Variants in PRKCE observed in about 807,000 individuals in gnomAD.
PRKCE encodes protein kinase C epsilon, also known as protein kinase C epsilon type.
Under a neutral mutation model 85.4 loss-of-function variants are expected in PRKCE, and 16 were observed. The observed-to-expected ratio is 0.19, with a 90% CI of 0.13 to 0.28. PRKCE has a LOEUF of 0.28. Ranked by LOEUF, PRKCE falls within the 10% of genes least tolerant of loss-of-function variation. The pLI is 1.00. For missense variants in PRKCE, 573 were observed against 975.2 expected (o/e 0.59, Z 5.49); for synonymous variants, 388 against 371.5 (o/e 1.04, Z -0.51).
At chr2:45,828,747 A>G (rs1195740550) in intron 1 of PRKCE, among the ~76,000 whole-genome samples, 1 of 152,188 alleles carries the variant, frequency 6.6e-6, no homozygotes, top group East Asian at 1.9e-4. Context: ...AGTGAACTAC[A>G]TAATGTTCTT....
At chr2:45,666,008 A>T (rs1176595191) in intron 1 of PRKCE, among the ~76,000 whole-genome samples, 3 of 152,056 alleles carry the variant, frequency 2.0e-5, no homozygotes, top group African/African-American at 7.2e-5. Context: ...AGAGTCATGG[A>T]GAAGGCCTCC....
At chr2:46,111,111 C>G (rs72879706) in intron 11 of PRKCE, among the ~76,000 whole-genome samples, 153 of 152,216 alleles carry the variant, frequency 1.0e-3, no homozygotes, top group African/African-American at 3.5e-3. Context: ...TGGATGTGAT[C>G]TATCTTGATG....
At chr2:45,856,392 G>A (rs1272505333) in intron 2 of PRKCE, among the ~76,000 whole-genome samples, 8 of 151,992 alleles carry the variant, frequency 5.3e-5, no homozygotes, top group African/African-American at 9.7e-5. Flanking sequence ...CACCACACCC[G>A]GTTAACTTTT....
chr2:45,792,082 G>T (rs1048243844), intron 1 of PRKCE, among the ~76,000 whole-genome samples: 1 of 152,226 alleles, frequency 6.6e-6, no homozygotes. Context: ...GGTTCTGCAG[G>T]ATGGCAAGCT....
At chr2:45,973,717 C>T (rs1468537893) in intron 2 of PRKCE, among the ~76,000 whole-genome samples, 1 of 152,118 alleles carries the variant, frequency 6.6e-6, no homozygotes, top group Admixed American at 6.5e-5. Context: ...GCCATATTGC[C>T]CTATTGGATT....
intron 1 of PRKCE, among the ~76,000 whole-genome samples, chr2:45,829,440 A>G (rs1327744184): frequency 6.6e-6 from 1 of 152,202 alleles, no homozygotes; most frequent in African/African-American, 2.4e-5. Flanking sequence ...TTAAGACCCC[A>G]TATAAATTAC....
intron 10 of PRKCE, among the ~76,000 whole-genome samples, chr2:46,020,515 C>T (rs1706560555): frequency 6.6e-6 from 1 of 152,082 alleles, no homozygotes; most frequent in Non-Finnish European, 1.5e-5. Flanking sequence ...TGGGCACATT[C>T]CTGAGATTTG....
intron 1 of PRKCE, among the ~76,000 whole-genome samples, chr2:45,746,778 C>T (rs1683172838): frequency 1.3e-5 from 2 of 152,192 alleles, no homozygotes; most frequent in South Asian, 4.1e-4. Context: ...CTTGACACAT[C>T]CCTATCCTGC....
At chr2:46,182,773 G>A (rs150888252) in intron 14 of PRKCE, among the ~76,000 whole-genome samples, 8 of 152,294 alleles carry the variant, frequency 5.3e-5, no homozygotes, top group Non-Finnish European at 7.3e-5. Context: ...CTATCTTCCC[G>A]GACTCACAGC....
intron 11 of PRKCE, among the ~76,000 whole-genome samples, chr2:46,104,049 A>G (rs1671481783): frequency 6.6e-6 from 1 of 152,180 alleles, no homozygotes; most frequent in Non-Finnish European, 1.5e-5. Flanking sequence ...TTCAGTGCCC[A>G]TAGGATTAAA....
intron 1 of PRKCE, among the ~76,000 whole-genome samples, chr2:45,715,758 C>T (rs1042041369): frequency 6.6e-6 from 1 of 152,208 alleles, no homozygotes; most frequent in Non-Finnish European, 1.5e-5. Flanking sequence ...ACTACACGAA[C>T]TGCCTTTCTT....
At chr2:46,093,429 C>A (rs927266509) in intron 11 of PRKCE, among the ~76,000 whole-genome samples, 4 of 151,266 alleles carry the variant, frequency 2.6e-5, no homozygotes, top group African/African-American at 4.8e-5. Flanking sequence ...CTTCCCTCCC[C>A]TCAATTTCCC....
At chr2:45,859,374 A>G (rs1362042271) in intron 2 of PRKCE, among the ~76,000 whole-genome samples, 1 of 152,164 alleles carries the variant, frequency 6.6e-6, no homozygotes, top group African/African-American at 2.4e-5. Context: ...ATACGTGCAC[A>G]TTCGGCTTTG....
chr2:45,893,705 C>G (rs1695912725), intron 2 of PRKCE, among the ~76,000 whole-genome samples: 1 of 152,138 alleles, frequency 6.6e-6, no homozygotes, highest in African/African-American at 2.4e-5. Flanking sequence ...GTGCCCCGCT[C>G]TTCCCACCTC....
intron 5 of PRKCE, among the ~76,000 whole-genome samples, chr2:45,982,014 C>T (rs919872317): frequency 3.9e-5 from 6 of 152,248 alleles, no homozygotes; most frequent in African/African-American, 1.2e-4. Flanking sequence ...GCATATTGAG[C>T]AGTGAGAAGA....
intron 2 of PRKCE, among the ~76,000 whole-genome samples, chr2:45,873,029 A>G (rs1031534633): frequency 6.6e-6 from 1 of 152,200 alleles, no homozygotes; most frequent in Non-Finnish European, 1.5e-5. Context: ...AGGGATATAC[A>G]TTGAGTCAGC....
At chr2:46,169,346 A>G (rs374255915) in intron 14 of PRKCE, among the ~76,000 whole-genome samples, 69 of 152,336 alleles carry the variant, frequency 4.5e-4, no homozygotes, top group African/African-American at 1.5e-3. Context: ...GTGAAGGTTC[A>G]TTAAGTTTCC....
At chr2:46,052,603 G>T (rs10865211) in intron 10 of PRKCE, among the ~76,000 whole-genome samples, 102,347 of 152,136 alleles carry the variant, frequency 0.67, 36,689 homozygotes, top group African/African-American at 0.92. Context: ...GCAGTCCCTA[G>T]TAAAATCCCA....
intron 1 of PRKCE, among the ~76,000 whole-genome samples, chr2:45,721,075 C>G (rs1680581928): frequency 6.6e-6 from 1 of 152,080 alleles, no homozygotes; most frequent in Non-Finnish European, 1.5e-5. Flanking sequence ...CCACTGTACT[C>G]CAGCCTGGGC....
Sources: gnomAD v4.1 joint callset for allele counts (sites outside exome capture counted in the v4.1 genomes callset) on GRCh38, gnomAD v4.1.1 for gene constraint, MANE v1.5 for transcripts, NCBI Gene and HGNC (gene_info 2026-07-23, HGNC 2026-07-21) for gene names.